LMNB2: variants seen among roughly 807,000 people sequenced by gnomAD.
LMNB2 encodes the protein lamin-B2.
Under a neutral mutation model 69.3 loss-of-function variants are expected in LMNB2, and 17 were observed. That is an observed-to-expected ratio of 0.25 (90% CI 0.17 to 0.37). The LOEUF (loss-of-function observed/expected upper bound fraction) is 0.37. LMNB2 is among the 10% of genes least tolerant of loss of function. The pLI is 1.00. For missense variants in LMNB2, 789 were observed against 883.6 expected (o/e 0.89, Z 1.36); for synonymous variants, 397 against 389.3 (o/e 1.02, Z -0.23).
rs1366067577 is a variant in LMNB2 at position 2,434,456 on chromosome 19, G to C, written c.1041C>G (p.Asp347Glu). The C allele has an allele frequency of 6.2e-7, 1 of 1,613,272 alleles. No homozygotes were observed. The highest frequency in any genetic ancestry group is 1.7e-5 in the Admixed American group (1 of 59,996). The change falls in exon 7 of 12, where the codon GAC becomes GAG. Residue 347 changes from aspartate to glutamate, a missense_variant. Coordinates refer to ENST00000325327, the MANE Select transcript of LMNB2 (RefSeq NM_032737.4). ...ELEEAMAGER[D>E]KFRKMLDAKE... ...TGGCGTCCAGCATCTTCCGGAACTT[G>C]TCCCGCTCCCCGGCCATGGCCTCCT...
At chr19:2,444,081 G>C (rs921862194) in intron 2 of LMNB2, among the ~76,000 whole-genome samples, 1 of 152,184 alleles carries the variant, frequency 6.6e-6, no homozygotes, top group Admixed American at 6.5e-5. Context: ...CGGGGTCTAG[G>C]TAAGCATGTG....
chr19:2,441,246 C>T (rs921265686), intron 2 of LMNB2, among the ~76,000 whole-genome samples: 3 of 152,276 alleles, frequency 2.0e-5, no homozygotes, highest in Non-Finnish European at 4.4e-5. Context: ...AATCCCGGGT[C>T]TGGCTCCGGT....
chr19:2,447,298 A>C lies in LMNB2; in HGVS notation c.265-2758T>G, dbSNP rs1971967568. Among the ~76,000 whole-genome samples the C allele has an allele frequency of 6.6e-6, 1 of 152,168 alleles. No individual in the cohort carries two copies. Among genetic ancestry groups the C allele is most frequent in the African/African-American group, 2.4e-5 (1 of 41,420 alleles). On this transcript the variant is annotated intron_variant, in intron 1 of 11. Coordinates refer to ENST00000325327, the MANE Select transcript of LMNB2 (RefSeq NM_032737.4). This position sits in a 1 kb window ranked among gnomAD's most constrained non-coding sequence, Gnocchi z 4.4. ...AGTGTGGATGCCCCTTGAGGATGTCACACTCATGAGACGCCAGACACAAAA... is the reference window on the plus strand; with the variant it reads ...AGTGTGGATGCCCCTTGAGGATGTCCCACTCATGAGACGCCAGACACAAAA...
chr19:2,449,507 C>T (rs956488894), intron 1 of LMNB2, among the ~76,000 whole-genome samples: 24 of 152,198 alleles, frequency 1.6e-4, no homozygotes, highest in African/African-American at 4.8e-4. Flanking sequence ...GGGCCCGGTG[C>T]GCTGGTGCAT....
At chr19:2,444,276 T>C (rs1271461787) in intron 2 of LMNB2, 128 bp downstream of exon 2, 5 of 1,077,450 alleles carry the variant, frequency 4.6e-6, no homozygotes, top group Non-Finnish European at 6.9e-6. Context: ...GGAGAGAGGA[T>C]GGGAGCTGTG....
intron 1 of LMNB2, among the ~76,000 whole-genome samples, chr19:2,456,045 C>A (rs1218357250): frequency 6.7e-6 from 1 of 149,984 alleles, no homozygotes; most frequent in Non-Finnish European, 1.5e-5. Context: ...TCCAGGAGCC[C>A]CCCGCAAACC....
In LMNB2 at chr19:2,433,906, C is replaced by A; in HGVS notation, c.1402G>T (p.Ala468Ser). The change falls in exon 8 of 12, where the codon GCC becomes TCC. Residue 468 changes from alanine to serine, a missense_variant. Ala to Ser is a moderately conservative substitution (Grantham distance 99). Transcript: ENST00000325327. ...ATGCTGACGCTACCCGAGGCCGAGG[C>A]CTGCTGGGCCAGGTGGAAGCCACCG... is the stretch of plus-strand genomic sequence containing the variant. The part of the protein sequence containing the change: ...GSGGFHLAQQ[A>S]SASGSVSIEE... 1 of 1,612,364 alleles carries A rather than the reference C, an allele frequency of 6.2e-7. No homozygotes were observed. The highest frequency in any genetic ancestry group is 8.5e-7 in the Non-Finnish European group (1 of 1,179,412).
At position 2,429,827 on chromosome 19, in the gene LMNB2, A is replaced by G. The variant is rs1252962751; in HGVS notation, c.*1084T>C. 6.6e-6 allele frequency: 1 copy of G among 152,290 alleles called. No individual in the cohort carries two copies. The highest frequency in any genetic ancestry group is 6.5e-5 in the Admixed American group (1 of 15,282). The allele number at this position is 152,290 out of a possible 1,614,324, so 9.4% of individuals were successfully genotyped here. A position where few individuals can be genotyped will look rare whatever the true frequency, so the allele number is the denominator to read the frequency against. The stretch of plus-strand genomic sequence containing the variant: ...TCTGTGTATCTATGAGGGAGGGTGT[A>G]AACGGTGAGCTATTGCCGAAGGGGG... On this transcript the variant is annotated 3_prime_UTR_variant, in exon 12 of 12. Coordinates refer to ENST00000325327, the MANE Select transcript of LMNB2 (RefSeq NM_032737.4).
chr19:2,438,531 G>T lies in LMNB2; in HGVS notation c.402C>A (p.Ser134Arg), dbSNP rs148213507. 25 of 1,607,516 alleles carry T rather than the reference G, an allele frequency of 1.6e-5. No individual in the cohort carries two copies. The highest frequency in any genetic ancestry group is 2.0e-4 in the Middle Eastern group (1 of 4,882). Residue 134 changes from serine (S) to arginine (R), a missense_variant and splice_region_variant, in exon 3 of 12, where the codon AGC (serine) becomes AGA (arginine). By Grantham distance (110) the Ser-to-Arg change is moderately radical (BLOSUM62 -1). Transcript: ENST00000325327. ...TAAGCTCGCCCTCCCTCTTCTTGGCGCTGAAAGTCAAGAGGGCAAGTGAGT... is the reference window on the plus strand; with the variant it reads ...TAAGCTCGCCCTCCCTCTTCTTGGCTCTGAAAGTCAAGAGGGCAAGTGAGT... ...LRAELDEVNK[S>R]AKKREGELTV...
At chr19:2,452,239 G>A (rs566628454) in intron 1 of LMNB2, among the ~76,000 whole-genome samples, 4 of 152,284 alleles carry the variant, frequency 2.6e-5, no homozygotes, top group East Asian at 1.9e-4. Flanking sequence ...GGTTTTGTAC[G>A]AGTGTGCAAG....
chr19:2,449,006 A>T (rs992149181), intron 1 of LMNB2, among the ~76,000 whole-genome samples: 2 of 152,160 alleles, frequency 1.3e-5, no homozygotes, highest in African/African-American at 4.8e-5. Flanking sequence ...CTCCTGTCTC[A>T]GCTGCCCCAA....
chr19:2,434,947 G>GGGCGGGGCGGGGTTCCCACC, intron 5 of LMNB2, 34 bp from the exon 6 acceptor site: 1 of 1,584,650 alleles, frequency 6.3e-7, no homozygotes, highest in East Asian at 2.3e-5. Context: ...TGCGGGCGCG[G>GGGCGGGGCGGGGTTCCCACC]GGCGGGGCGG....
rs866795551 is a variant in LMNB2 at position 2,453,458 on chromosome 19, C to A, written c.264+3212G>T. Among the ~76,000 whole-genome samples, 99 of 152,102 alleles carry A rather than the reference C, an allele frequency of 6.5e-4. No individual in the cohort carries two copies. The highest frequency in any genetic ancestry group is 2.3e-3 in the African/African-American group (94 of 41,498). On this transcript the variant is annotated intron_variant, in intron 1 of 11. Coordinates refer to ENST00000325327, the MANE Select transcript of LMNB2 (RefSeq NM_032737.4). The surrounding 1 kb of genome is among the most constrained non-coding windows in gnomAD (Gnocchi z 4.4). ...CATGTGGGCCCACATGACGTCCCCC[C>A]ACCAGCGGCCCCCACCCCAGCAGGC...
At position 2,430,589 on chromosome 19, in the gene LMNB2, C is replaced by A; in HGVS notation, c.*322G>T. On this transcript the variant is annotated 3_prime_UTR_variant, in exon 12 of 12. Coordinates refer to ENST00000325327, the MANE Select transcript of LMNB2 (RefSeq NM_032737.4). ...AGCAGGGCCGTCTCCTGTCCCCTCG[C>A]TAGCCTCGCCGGCCCTCCTCCCTCC... 1 of 450,474 alleles carries A rather than the reference C, an allele frequency of 2.2e-6. No homozygotes were observed. Among genetic ancestry groups the A allele is most frequent in the Non-Finnish European group, 4.1e-6 (1 of 243,144 alleles). The allele number at this position is 450,474 out of a possible 1,614,324, so 27.9% of individuals were successfully genotyped here.
At position 2,435,282 on chromosome 19, in the gene LMNB2, T is replaced by C; in HGVS notation, c.685-111A>G. Reference sequence around the variant, plus strand: ...GAACCTCCAGGCAATTCCTGGTTCCTTGTGCACAAGTTACAAACCGATACA... The same window carrying C: ...GAACCTCCAGGCAATTCCTGGTTCCCTGTGCACAAGTTACAAACCGATACA... On this transcript the variant is annotated intron_variant, in intron 4 of 11. Coordinates refer to ENST00000325327, the MANE Select transcript of LMNB2 (RefSeq NM_032737.4). 2 of 1,453,230 alleles carry C rather than the reference T, an allele frequency of 1.4e-6. 1 individual carries two copies. The highest frequency in any genetic ancestry group is 4.8e-5 in the East Asian group (2 of 41,310). 90.0% of individuals were successfully genotyped at this position (1,453,230 alleles called of 1,614,324 possible).
Position 2,433,994 on chromosome 19 carries a change from C to T in LMNB2, c.1314G>A (p.Arg438=). The change falls in exon 8 of 12, where the codon CGG becomes CGA. Residue 438 remains arginine (R), a synonymous_variant. Coordinates refer to ENST00000325327, the MANE Select transcript of LMNB2 (RefSeq NM_032737.4). ...TGCCCAAGGGCTCCTCCACCTCCAG[C>T]CGCTTCCGCTTACTGCGGCCCAGGC... The part of the protein sequence containing the change: ...TGRLGRSKRK[R]LEVEEPLGSG... 6.2e-7 allele frequency: 1 copy of T among 1,609,736 alleles called. No individual in the cohort carries two copies. The highest frequency in any genetic ancestry group is 8.5e-7 in the Non-Finnish European group (1 of 1,179,176).
chr19:2,449,453 T>C (rs1971995147), intron 1 of LMNB2, among the ~76,000 whole-genome samples: 3 of 152,246 alleles, frequency 2.0e-5, no homozygotes, highest in African/African-American at 7.2e-5. Flanking sequence ...GTTTGTTCAT[T>C]GTAGATTTTT....
At chr19:2,450,958 T>C (rs930113609) in intron 1 of LMNB2, among the ~76,000 whole-genome samples, 3 of 150,780 alleles carry the variant, frequency 2.0e-5, no homozygotes, top group Non-Finnish European at 4.4e-5. Flanking sequence ...TGGCTAGGGG[T>C]AGCCAGGAGA....
chr19:2,438,217 G>C lies in LMNB2; in HGVS notation c.630C>G (p.Asn210Lys), dbSNP rs923624030. The C allele has an allele frequency of 6.2e-6, 10 of 1,614,068 alleles. No homozygotes were observed. The highest frequency in any genetic ancestry group is 8.5e-6 in the Non-Finnish European group (10 of 1,180,034). ...GCTCCTCCTGCAGGCTCTGGCAGCG[G>C]TTCTCCAGGTCCACACGCATCAGCG... The part of the protein sequence containing the change: ...KETLMRVDLE[N>K]RCQSLQEELD... Residue 210 changes from asparagine (N) to lysine (K), a missense_variant, in exon 4 of 12, where the codon AAC becomes AAG. By Grantham distance (94) the Asn-to-Lys change is moderately conservative. Around this residue, in one of 3 missense-constraint regions of LMNB2, gnomAD observed 609 missense variants for 630.9 expected, o/e 0.97. Transcript: ENST00000325327.
Sources: gnomAD v4.1 joint callset for allele counts (sites outside exome capture counted in the v4.1 genomes callset) on GRCh38, gnomAD v4.1.1 for gene constraint, gnomAD v4.1.1 regional missense constraint, Gnocchi (gnomAD v3.1) non-coding constraint, MANE v1.5 for transcripts, NCBI Gene and HGNC (gene_info 2026-07-23, HGNC 2026-07-21) for gene names.